PTPRQ: variants seen among roughly 807,000 people sequenced by gnomAD.
PTPRQ encodes the protein phosphatidylinositol phosphatase PTPRQ.
In PTPRQ, 199 loss-of-function variants were observed where a neutral mutation model predicts 246.0. The ratio of observed to expected loss-of-function variants is 0.81; its 90% CI spans 0.72 to 0.91. PTPRQ has a LOEUF of 0.91. Among genes scored for constraint, PTPRQ ranks in the 40% least tolerant of loss-of-function variants. PTPRQ has a pLI of 0.00. For synonymous variants in PTPRQ, 869 were observed against 853.2 expected (o/e 1.02, Z -0.32); for missense variants, 2,624 against 2,528.4 (o/e 1.04, Z -0.81).
At chr12:80,660,514 G>C (rs1345162684) in intron 39 of PTPRQ, among the ~76,000 whole-genome samples, 2 of 151,996 alleles carry the variant, frequency 1.3e-5, no homozygotes, top group Admixed American at 6.6e-5. Context: ...AATGAGTTTA[G>C]AAAGGTTTTC....
At chr12:80,454,471 C>G (rs957136694) in intron 3 of PTPRQ, 7 of 699,384 alleles carry the variant, frequency 1.0e-5, no homozygotes, top group East Asian at 5.4e-5. Context: ...CTTTCTCTTG[C>G]TTGATCGCTC....
chr12:80,611,094 T>C (rs1592715269), intron 28 of PTPRQ, among the ~76,000 whole-genome samples: 3 of 150,576 alleles, frequency 2.0e-5, no homozygotes, highest in African/African-American at 7.2e-5. Flanking sequence ...TCACAGCTGT[T>C]GTCTTCCCTT....
rs950329361 is a variant in PTPRQ, at chr12:80,479,132, T to G, written c.1187-5301T>G. Reference sequence around the variant, plus strand: ...TGTTAAGGGCAGCCGGAGAGAAAGGTCGGGTTACCCTCAAAGGGAAGCCCA... The same window carrying G: ...TGTTAAGGGCAGCCGGAGAGAAAGGGCGGGTTACCCTCAAAGGGAAGCCCA... On this transcript the variant is annotated intron_variant, in intron 8 of 44. Transcript: ENST00000644991. Among the ~76,000 whole-genome samples the G allele has an allele frequency of 6.2e-3, 945 of 151,776 alleles. 11 individuals carry two copies. Among genetic ancestry groups the G allele is most frequent in the African/African-American group, 0.022 (907 of 41,248 alleles).
At chr12:80,619,006 A>T (rs1435356915) in intron 30 of PTPRQ, among the ~76,000 whole-genome samples, 1 of 151,538 alleles carries the variant, frequency 6.6e-6, no homozygotes, top group Non-Finnish European at 1.5e-5. Flanking sequence ...CTAGAACAGA[A>T]ATTAGTAAAC....
At position 80,572,791 on chromosome 12, in the gene PTPRQ, T is replaced by C. The variant is rs1310686662; in HGVS notation, c.4286-15338T>C. On this transcript the variant is annotated intron_variant, in intron 25 of 44. Coordinates refer to ENST00000644991, the MANE Select transcript of PTPRQ (RefSeq NM_001145026.2). ...TGCTTTTTCTCTTTTATTCTCTTGC[T>C]GTGATAAGTTACATGGTTTATTTTT... is the stretch of plus-strand genomic sequence containing the variant. Among the ~76,000 whole-genome samples, 3 of 152,312 alleles carry C rather than the reference T, an allele frequency of 2.0e-5. No individual in the cohort carries two copies. The East Asian group carries it at 5.8e-4, about 29-fold the overall frequency.
chr12:80,476,438 A>T (rs144384135), intron 8 of PTPRQ, among the ~76,000 whole-genome samples: 4 of 152,130 alleles, frequency 2.6e-5, no homozygotes, highest in Admixed American at 1.3e-4. Flanking sequence ...CATATGATCA[A>T]TGCTCAGTGT....
chr12:80,506,756 C>T, intron 16 of PTPRQ, 86 bp downstream of exon 16: 2 of 1,220,978 alleles, frequency 1.6e-6, no homozygotes, highest in South Asian at 1.5e-5. Flanking sequence ...GTAAAAACTC[C>T]TCTAGTCATG....
chr12:80,484,484 T>G lies in PTPRQ; in HGVS notation c.1238T>G (p.Val413Gly). 1 of 1,551,310 alleles carries G rather than the reference T, an allele frequency of 6.4e-7. No individual in the cohort carries two copies. Among genetic ancestry groups the G allele is most frequent in the Non-Finnish European group, 8.7e-7 (1 of 1,146,854 alleles). Residue 413 changes from valine to glycine, a missense_variant, in exon 9 of 45, where the codon GTA becomes GGA. Transcript: ENST00000644991. ...LQLAEVESTQ[V>G]RITWKKPRQP... ...CTTGCAGAGGTAGAATCCACGCAAG[T>G]AAGAATTACTTGGAAGAAACCACGA... is the stretch of plus-strand genomic sequence containing the variant.
intron 33 of PTPRQ, among the ~76,000 whole-genome samples, chr12:80,627,345 TATA>T (rs10646490): frequency 0.051 from 7,264 of 143,252 alleles, 417 homozygotes; most frequent in African/African-American, 0.14. Context: ...ACTCAATTTT[TATA>T]ATAATAATAA....
chr12:80,537,427 A>T (rs1238325826), intron 19 of PTPRQ, among the ~76,000 whole-genome samples: 1 of 152,148 alleles, frequency 6.6e-6, no homozygotes, highest in Non-Finnish European at 1.5e-5. Context: ...TGCTTCTCTT[A>T]GTTCCCTTAT....
intron 25 of PTPRQ, among the ~76,000 whole-genome samples, chr12:80,566,229 G>C (rs1397491540): frequency 6.6e-6 from 1 of 152,136 alleles, no homozygotes; most frequent in East Asian, 1.9e-4. Context: ...TGTAATCCCA[G>C]CACTTTGGGA....
chr12:80,503,530 T>G (rs1485105982), intron 14 of PTPRQ, among the ~76,000 whole-genome samples: 1 of 151,830 alleles, frequency 6.6e-6, no homozygotes, highest in Non-Finnish European at 1.5e-5. Flanking sequence ...ACTAAATTTA[T>G]TATTAGTAAT....
chr12:80,631,491 G>A (rs760443710), intron 33 of PTPRQ, among the ~76,000 whole-genome samples: 27 of 152,116 alleles, frequency 1.8e-4, no homozygotes, highest in Non-Finnish European at 3.2e-4. Context: ...GCCAGTAGGA[G>A]CCCCTTCAGG....
chr12:80,583,717 A>G (rs1897519976), intron 25 of PTPRQ: 1 of 152,204 alleles, frequency 6.6e-6, no homozygotes, highest in African/African-American at 2.4e-5. Flanking sequence ...TTATTAGCTC[A>G]TAGTTCTATA....
At chr12:80,521,821 G>GA (rs1895501632) in intron 17 of PTPRQ, among the ~76,000 whole-genome samples, 2 of 152,062 alleles carry the variant, frequency 1.3e-5, no homozygotes, top group African/African-American at 4.8e-5. Context: ...CATTCTTTTG[G>GA]CTTAGGATTG....
At chr12:80,459,969 AT>A (rs1893102770) in intron 5 of PTPRQ, among the ~76,000 whole-genome samples, 1 of 152,346 alleles carries the variant, frequency 6.6e-6, no homozygotes. Flanking sequence ...TGTTGTGCAT[AT>A]CTTTGGTAAA....
chr12:80,540,631 C>T (rs1896123794), intron 20 of PTPRQ, among the ~76,000 whole-genome samples: 2 of 151,986 alleles, frequency 1.3e-5, no homozygotes, highest in Admixed American at 1.3e-4. Flanking sequence ...TGTTTATTAT[C>T]TGAAAGCCAT....
intron 3 of PTPRQ, among the ~76,000 whole-genome samples, chr12:80,450,381 G>C (rs930158613): frequency 3.3e-5 from 5 of 151,952 alleles, no homozygotes; most frequent in East Asian, 1.9e-4. Context: ...CCTTCTCCTG[G>C]CTAATTGCCC....
At chr12:80,473,844 C>T (rs1240752970) in intron 8 of PTPRQ, among the ~76,000 whole-genome samples, 1 of 152,122 alleles carries the variant, frequency 6.6e-6, no homozygotes, top group African/African-American at 2.4e-5. Context: ...CTCCATTTGC[C>T]CTCTATAAAA....
Sources: gnomAD v4.1 joint callset for allele counts (sites outside exome capture counted in the v4.1 genomes callset) on GRCh38, gnomAD v4.1.1 for gene constraint, MANE v1.5 for transcripts, NCBI Gene and HGNC (gene_info 2026-07-23, HGNC 2026-07-21) for gene names.